The following CSMD1 variants were observed in gnomAD, a reference collection of about 807,000 sequenced individuals.
CSMD1 encodes the protein CUB and sushi domain-containing protein 1.
A neutral mutation model predicts 417.5 loss-of-function variants in CSMD1; 213 were observed. That is an observed-to-expected ratio of 0.51 (90% CI 0.46 to 0.57). The LOEUF (loss-of-function observed/expected upper bound fraction) is 0.57, where lower values mean the gene tolerates loss of function less well. CSMD1 is among the 20% of genes least tolerant of loss of function. The pLI, the probability that CSMD1 is intolerant of heterozygous loss-of-function variation, is 0.00. For synonymous variants in CSMD1, 2,862 were observed against 1,736.8 expected, an observed-to-expected ratio of 1.65 and a Z score of -16.11; for missense variants, 6,923 against 4,529.7, an observed-to-expected ratio of 1.53 and a Z score of -15.17.
At chr8:3,786,528 A>G (rs1378668063) in intron 5 of CSMD1, among the ~76,000 whole-genome samples, 2 of 152,190 alleles carry the variant, frequency 1.3e-5, no homozygotes, top group African/African-American at 4.8e-5. Context: ...CAAGAATATC[A>G]CAGCTCCCGA....
At chr8:4,727,526 G>C (rs554189743) in intron 1 of CSMD1, among the ~76,000 whole-genome samples, 9 of 152,128 alleles carry the variant, frequency 5.9e-5, no homozygotes, top group African/African-American at 2.2e-4. Context: ...ATGCCTTCTG[G>C]GTGTGTTTTG....
intron 2 of CSMD1, among the ~76,000 whole-genome samples, chr8:4,420,558 G>A (rs934838425): frequency 1.3e-5 from 2 of 152,002 alleles, no homozygotes; most frequent in Non-Finnish European, 2.9e-5. Context: ...AAATATGACA[G>A]GTAAAGCATG....
chr8:3,106,731 T>G (rs551029473), intron 45 of CSMD1, 90 bp from the exon 46 acceptor site: 2 of 593,124 alleles, frequency 3.4e-6, no homozygotes, highest in African/African-American at 3.7e-5. Flanking sequence ...TTAAATGAAT[T>G]AAATCAACTT....
At chr8:4,379,183 A>C (rs1307511248) in intron 3 of CSMD1, among the ~76,000 whole-genome samples, 1 of 152,200 alleles carries the variant, frequency 6.6e-6, no homozygotes, top group Non-Finnish European at 1.5e-5. Flanking sequence ...TTTATTCTGT[A>C]GTATTCTGCC....
intron 10 of CSMD1, among the ~76,000 whole-genome samples, chr8:3,532,665 A>G (rs1322118934): frequency 6.6e-6 from 1 of 152,222 alleles, no homozygotes; most frequent in East Asian, 1.9e-4. Context: ...ATCTGCAATT[A>G]TAATTATAAA....
chr8:4,626,878 A>T (rs2616985), intron 2 of CSMD1, among the ~76,000 whole-genome samples: 1 of 152,204 alleles, frequency 6.6e-6, no homozygotes, highest in East Asian at 1.9e-4. Context: ...AAATCAAGTG[A>T]AATACTTGCC....
chr8:4,162,652 T>C lies in CSMD1; in HGVS notation c.416-130553A>G, dbSNP rs79744588. 6.4e-3 allele frequency among the ~76,000 whole-genome samples: 977 copies of C among 152,304 alleles called. 10 individuals are homozygous for C. The highest frequency in any genetic ancestry group is 0.023 in the African/African-American group (943 of 41,568). On this transcript the variant is annotated intron_variant, in intron 3 of 69. Coordinates refer to ENST00000635120, the MANE Select transcript of CSMD1 (RefSeq NM_033225.6). Reference sequence around the variant, plus strand: ...GAGTAGAAGGTACACTGATATGTCATGTAACACCTGCTCCCATACACAGAG... The same window carrying C: ...GAGTAGAAGGTACACTGATATGTCACGTAACACCTGCTCCCATACACAGAG...
At chr8:3,314,800 G>A (rs1289438143) in intron 23 of CSMD1, among the ~76,000 whole-genome samples, 2 of 152,180 alleles carry the variant, frequency 1.3e-5, no homozygotes, top group East Asian at 3.9e-4. Flanking sequence ...TAGCTTTCAA[G>A]TATTCGGATT....
At chr8:3,511,231 G>A (rs936524640) in intron 10 of CSMD1, among the ~76,000 whole-genome samples, 1 of 151,666 alleles carries the variant, frequency 6.6e-6, no homozygotes, top group Non-Finnish European at 1.5e-5. Context: ...GGCCTGTTGG[G>A]GGGTGAGAGG....
chr8:4,994,461 A>T lies in CSMD1; in HGVS notation c.-45T>A, dbSNP rs1355877141. Reference sequence around the variant, plus strand: ...GCACGCGACACCGATGGCTCCTCCGAGGAAGGCAGGGCTATGAGCGGAGCC... The same window carrying T: ...GCACGCGACACCGATGGCTCCTCCGTGGAAGGCAGGGCTATGAGCGGAGCC... On this transcript the variant is annotated 5_prime_UTR_variant, in exon 1 of 70. Transcript: ENST00000635120. The T allele has an allele frequency of 2.6e-6, 4 of 1,547,740 alleles. No individual in the cohort carries two copies. Among genetic ancestry groups the T allele is most frequent in the Non-Finnish European group, 3.5e-6 (4 of 1,127,086 alleles).
chr8:4,639,845 G>C (rs1803085411), intron 1 of CSMD1, among the ~76,000 whole-genome samples: 1 of 152,136 alleles, frequency 6.6e-6, no homozygotes, highest in Non-Finnish European at 1.5e-5. Flanking sequence ...GGATTTATGA[G>C]TTTAAAACCA....
rs1324932534 is a variant in CSMD1 at position 3,096,837 on chromosome 8, A to G, written c.7138+12T>C. On this transcript the variant is annotated intron_variant, in intron 47 of 69. Transcript: ENST00000635120. ...CCGAGGTCACTGCTCTACAAAGATT[A>G]AAGAAACTTACCATCAAACACTTCC... The G allele has an allele frequency of 9.1e-6, 14 of 1,530,672 alleles. No individual in the cohort carries two copies. The highest frequency in any genetic ancestry group is 1.2e-5 in the Non-Finnish European group (14 of 1,132,220). 94.8% of individuals were successfully genotyped at this position (1,530,672 alleles called of 1,614,324 possible). A position where few individuals can be genotyped will look rare whatever the true frequency, so the allele number is the denominator to read the frequency against.
rs576328041 is a variant in CSMD1, at chr8:2,999,914, C to T, written c.8203+44G>A. 7.2e-6 allele frequency: 11 copies of T among 1,537,730 alleles called. No homozygotes were observed. In the Middle Eastern group the frequency reaches 5.7e-4, roughly 80 times the overall value. On this transcript the variant is annotated intron_variant, in intron 53 of 69. Transcript: ENST00000635120. ...GACCTAATAACAAAAGACAATGTGG[C>T]AAAAGGAAGCATCGATGAATTCGTC...
intron 3 of CSMD1, among the ~76,000 whole-genome samples, chr8:4,261,606 T>G (rs1040085808): frequency 5.9e-5 from 9 of 152,076 alleles, no homozygotes; most frequent in African/African-American, 1.9e-4. Flanking sequence ...GATGAGGTCT[T>G]GCTATGTTGC....
In CSMD1 at chr8:4,448,843, ATCTT is replaced by A. The variant is rs1286225298; in HGVS notation, c.303-28782_303-28779del. ...GGACAGGGTAAAAGGTAATTTCTCT[ATCTT>A]CTTTCTGATGTGTATCCAATTCTCT... is the stretch of plus-strand genomic sequence containing the variant. On this transcript the variant is annotated intron_variant, in intron 2 of 69. Coordinates refer to ENST00000635120, the MANE Select transcript of CSMD1 (RefSeq NM_033225.6). Among the ~76,000 whole-genome samples the A allele has an allele frequency of 4.6e-5, 7 of 151,706 alleles. No individual in the cohort carries two copies. The Middle Eastern group carries it at 9.5e-3, about 206-fold the overall frequency.
chr8:4,962,779 G>T (rs1445381437), intron 1 of CSMD1, among the ~76,000 whole-genome samples: 1 of 151,950 alleles, frequency 6.6e-6, no homozygotes, highest in Non-Finnish European at 1.5e-5. Flanking sequence ...CAGAGAGAGG[G>T]GACAAAAAAT....
At chr8:3,348,240 A>G (rs779304274) in intron 21 of CSMD1, 79 bp from the exon 22 acceptor site, 6 of 999,286 alleles carry the variant, frequency 6.0e-6, no homozygotes, top group Non-Finnish European at 8.9e-6. Flanking sequence ...CTTTAAAATC[A>G]TGATAGCCTC....
At chr8:3,934,468 C>G (rs1043808947) in intron 5 of CSMD1, among the ~76,000 whole-genome samples, 5 of 152,060 alleles carry the variant, frequency 3.3e-5, no homozygotes, top group African/African-American at 1.2e-4. Context: ...AAATGAATGT[C>G]TTTTTTTCTG....
At chr8:4,043,690 T>C (rs1798007161) in intron 3 of CSMD1, among the ~76,000 whole-genome samples, 1 of 152,182 alleles carries the variant, frequency 6.6e-6, no homozygotes, top group South Asian at 2.1e-4. Flanking sequence ...ATTTCAGTGT[T>C]CTGAATTACA....
Sources: allele counts gnomAD v4.1 joint callset (sites outside exome capture counted in the v4.1 genomes callset), GRCh38; gene constraint gnomAD v4.1.1; transcripts MANE v1.5; gene names NCBI Gene and HGNC (gene_info 2026-07-23, HGNC 2026-07-21).